TBC1D2: variants seen among roughly 807,000 people sequenced by gnomAD.
TBC1D2 encodes the protein TBC1 domain family member 2A.
In TBC1D2, 58 loss-of-function variants were observed where a neutral mutation model predicts 91.1. The observed-to-expected ratio is 0.64, with a 90% CI of 0.52 to 0.79. TBC1D2 has a LOEUF of 0.79. TBC1D2 is among the 30% of genes least tolerant of loss of function. The pLI is 0.00. For synonymous variants in TBC1D2, 482 were observed against 511.5 expected, an observed-to-expected ratio of 0.94 and a Z score of 0.78; for missense variants, 1,080 against 1,208.3, an observed-to-expected ratio of 0.89 and a Z score of 1.57.
At chr9:98,253,945 C>T (rs189833707) in intron 1 of TBC1D2, among the ~76,000 whole-genome samples, 2 of 152,342 alleles carry the variant, frequency 1.3e-5, no homozygotes, top group East Asian at 3.9e-4. Context: ...ATTATAAAGA[C>T]CATGTGTTGA....
intron 3 of TBC1D2, chr9:98,234,878 C>T (rs928173320): frequency 7.6e-5 from 16 of 209,770 alleles, no homozygotes; most frequent in South Asian, 5.4e-4. Flanking sequence ...AGCTTCGACA[C>T]GAGGAAAGTA....
chr9:98,225,400 G>A (rs1829207438), intron 5 of TBC1D2, among the ~76,000 whole-genome samples: 1 of 152,228 alleles, frequency 6.6e-6, no homozygotes, highest in Admixed American at 6.5e-5. Context: ...TATGACACCA[G>A]GGGGTACACA....
intron 5 of TBC1D2, among the ~76,000 whole-genome samples, chr9:98,222,503 AG>A (rs1213372166): frequency 6.6e-6 from 1 of 152,356 alleles, no homozygotes; most frequent in Middle Eastern, 3.4e-3. Flanking sequence ...ATTCCTCAGC[AG>A]GGGCAACTAA....
At chr9:98,234,197 A>C (rs1275628857) in intron 3 of TBC1D2, among the ~76,000 whole-genome samples, 1 of 152,142 alleles carries the variant, frequency 6.6e-6, no homozygotes, top group African/African-American at 2.4e-5. Flanking sequence ...CTGAAGCCTC[A>C]TGATGTCATT....
At chr9:98,200,086 G>T (rs1020817467) in intron 12 of TBC1D2, among the ~76,000 whole-genome samples, 167 bp downstream of exon 12, 5 of 152,172 alleles carry the variant, frequency 3.3e-5, no homozygotes, top group South Asian at 4.1e-4. Flanking sequence ...TGTTAAGGGG[G>T]CAGACATATC....
intron 3 of TBC1D2, among the ~76,000 whole-genome samples, chr9:98,243,557 A>C (rs1476128487): frequency 8.4e-5 from 11 of 130,814 alleles, no homozygotes; most frequent in Admixed American, 7.5e-5. Flanking sequence ...TTTTTTTGAG[A>C]CAGAGTCTCA....
chr9:98,207,868 G>A (rs1239060709), intron 9 of TBC1D2, among the ~76,000 whole-genome samples: 1 of 152,218 alleles, frequency 6.6e-6, no homozygotes, highest in African/African-American at 2.4e-5. Flanking sequence ...CTGGGGTTGT[G>A]CAGGGGTGCA....
intron 2 of TBC1D2, among the ~76,000 whole-genome samples, chr9:98,248,688 C>T (rs1222741676): frequency 2.0e-5 from 3 of 152,228 alleles, no homozygotes; most frequent in Non-Finnish European, 2.9e-5. Context: ...GCACTAACTA[C>T]TCTATAAAAT....
chr9:98,240,286 A>T (rs909860000), intron 3 of TBC1D2, among the ~76,000 whole-genome samples: 2 of 152,078 alleles, frequency 1.3e-5, no homozygotes, highest in African/African-American at 4.8e-5. Flanking sequence ...TCATCGGTTG[A>T]ATTAAGAGCA....
chr9:98,251,420 C>T (rs1299219303), intron 2 of TBC1D2, among the ~76,000 whole-genome samples: 3 of 152,162 alleles, frequency 2.0e-5, no homozygotes, highest in South Asian at 2.1e-4. Context: ...ATAGTCATCA[C>T]AATAGTAGCT....
At chr9:98,242,547 A>G (rs1198658849) in intron 3 of TBC1D2, among the ~76,000 whole-genome samples, 2 of 152,178 alleles carry the variant, frequency 1.3e-5, no homozygotes, top group African/African-American at 4.8e-5. Flanking sequence ...CCCTTCAACT[A>G]GAGTAACAAT....
At chr9:98,215,166 C>T (rs1828940215) in intron 6 of TBC1D2, among the ~76,000 whole-genome samples, 2 of 152,208 alleles carry the variant, frequency 1.3e-5, no homozygotes, top group South Asian at 4.1e-4. Flanking sequence ...TCCCCATATC[C>T]TATCCTTATG....
intron 10 of TBC1D2, 36 bp downstream of exon 10, chr9:98,203,252 T>C (rs763777543): frequency 6.2e-7 from 1 of 1,612,854 alleles, no homozygotes; most frequent in South Asian, 1.1e-5. Flanking sequence ...GGCACTGCCC[T>C]ACATGGCTGC....
rs554337843 is a variant in TBC1D2, at chr9:98,232,325, CTTCT to C, written c.781+1087_781+1090del. On this transcript the variant is annotated intron_variant, in intron 4 of 12. Coordinates refer to ENST00000465784, the MANE Select transcript of TBC1D2 (RefSeq NM_001267571.2). Reference sequence around the variant, plus strand: ...TGCTCCAAAGGGTGCTTTTTCTTTTCTTCTTTCTCTTTTTCTGTTTTTTTTTTTG... The same window carrying C: ...TGCTCCAAAGGGTGCTTTTTCTTTTCTTCTCTTTTTCTGTTTTTTTTTTTG... 3.6e-3 allele frequency among the ~76,000 whole-genome samples: 376 copies of C among 103,120 alleles called. 8 individuals carry two copies. The highest frequency in any genetic ancestry group is 0.016 in the African/African-American group (366 of 22,280). The allele number at this position is 103,120 out of a possible 152,430, so 67.7% of individuals were successfully genotyped here.
In TBC1D2 at chr9:98,199,396, C is replaced by T. The variant is rs199539956; in HGVS notation, c.2772G>A (p.Val924=). ...GGTGGCCAAGTCAGGCTTCCCCCTC[C>T]ACCTCGTCCTCGCTGGCACAGCCCT... The part of the protein sequence containing the change: ...VSEGCASEDE[V]EGEA Residue 924 remains valine, a synonymous_variant, in exon 13 of 13, where the codon GTG becomes GTA. Transcript: ENST00000465784. 41 of 1,613,166 alleles carry T rather than the reference C, an allele frequency of 2.5e-5. No individual in the cohort carries two copies. The African/African-American group carries it at 5.1e-4, about 20-fold the overall frequency.
In TBC1D2 at chr9:98,244,044, G is replaced by C. The variant is rs1346605861; in HGVS notation, c.597C>G (p.Pro199=). The change falls in exon 3 of 13, where the codon CCC becomes CCG. Residue 199 remains proline, a synonymous_variant. Transcript: ENST00000465784. ...GGGAAATATTCTGAAGGGCAGGGAA[G>C]GGCTGCAAGGCAGCTGCCACGCCCA... ...GLVGVAAALQ[P]FPALQNISLK... is the part of the protein sequence containing the mutation. 5.6e-6 allele frequency: 9 copies of C among 1,611,882 alleles called. 1 individual carries two copies. In the South Asian group the frequency reaches 9.9e-5, roughly 18 times the overall value.
Position 98,226,056 on chromosome 9 carries a change from G to T in TBC1D2, c.978+2896C>A, listed in dbSNP as rs1051308664. On this transcript the variant is annotated intron_variant, in intron 5 of 12. Transcript: ENST00000465784. ...GCTGATGAATGGGACTCTAATGAGG[G>T]TCTCAGATGGACAGCGGCTCTCCTA... Among the ~76,000 whole-genome samples, 7 of 152,202 alleles carry T rather than the reference G, an allele frequency of 4.6e-5. No homozygotes were observed. In the East Asian group the frequency reaches 1.3e-3, roughly 29 times the overall value.
intron 7 of TBC1D2, 114 bp downstream of exon 7, chr9:98,212,994 G>A: frequency 8.4e-7 from 1 of 1,195,110 alleles, no homozygotes; most frequent in Non-Finnish European, 1.2e-6. Context: ...CAAGGGGTCA[G>A]TTCAGAGGGA....
At chr9:98,243,463 G>C (rs190902828) in intron 3 of TBC1D2, among the ~76,000 whole-genome samples, 1 of 151,786 alleles carries the variant, frequency 6.6e-6, no homozygotes, top group Non-Finnish European at 1.5e-5. Context: ...CGTCCAGTGG[G>C]TAATTTTTTA....
Sources: gnomAD v4.1 joint callset for allele counts (sites outside exome capture counted in the v4.1 genomes callset) on GRCh38, gnomAD v4.1.1 for gene constraint, MANE v1.5 for transcripts, NCBI Gene and HGNC (gene_info 2026-07-23, HGNC 2026-07-21) for gene names.